Variants in COL27A1 observed in about 807,000 individuals in gnomAD.
COL27A1 encodes collagen type XXVII alpha 1 chain.
In COL27A1, 106 loss-of-function variants were observed where a neutral mutation model predicts 251.3. That is an observed-to-expected ratio of 0.42 (90% CI 0.36 to 0.50). The LOEUF (loss-of-function observed/expected upper bound fraction) is 0.50. Among genes scored for constraint, COL27A1 ranks in the 20% least tolerant of loss-of-function variants. The pLI, the probability that COL27A1 is intolerant of heterozygous loss-of-function variation, is 0.00. For missense variants in COL27A1, 2,325 were observed against 2,522.8 expected (o/e 0.92, Z 1.68); for synonymous variants, 1,000 against 986.3 (o/e 1.01, Z -0.26).
At position 114,196,007 on chromosome 9, in the gene COL27A1, C is replaced by T. The variant is rs1401322428; in HGVS notation, c.2119C>T (p.Arg707Ter). Residue 707 changes from arginine to a stop codon, truncating the protein, a stop_gained, in exon 7 of 61, where the codon CGA (arginine) becomes TGA (stop). Transcript: ENST00000356083. LOFTEE classifies it high-confidence loss of function. ...CTCCGGGAATCCAGGACCTCCGGGA[C>T]GAAAGGTACTGTTTGGTTTTGATGC... The part of the protein sequence containing the change: ...GLSGNPGPPG[R>*]KGHKGYPGPA... 1.2e-6 allele frequency: 2 copies of T among 1,613,976 alleles called. No individual in the cohort carries two copies. The highest frequency in any genetic ancestry group is 2.2e-5 in the South Asian group (2 of 91,078).
At chr9:114,234,712 T>C (rs1249720) in intron 16 of COL27A1, among the ~76,000 whole-genome samples, 152,155 of 152,270 alleles carry the variant, frequency 1, 76,020 homozygotes, top group Middle Eastern at 1. Flanking sequence ...CCAATTTACT[T>C]GCTGTTTACA....
intron 3 of COL27A1, among the ~76,000 whole-genome samples, chr9:114,170,433 G>A (rs988090318): frequency 6.6e-6 from 1 of 152,150 alleles, no homozygotes; most frequent in Non-Finnish European, 1.5e-5. Flanking sequence ...CTCCCGCCTT[G>A]GAGATGACCA....
chr9:114,268,581 C>T (rs80280630), intron 34 of COL27A1, among the ~76,000 whole-genome samples: 10,970 of 152,242 alleles, frequency 0.072, 543 homozygotes, highest in Middle Eastern at 0.13. Flanking sequence ...CCAGACTGCC[C>T]AGGTTCGGAT....
intron 32 of COL27A1, 95 bp from the exon 33 acceptor site, chr9:114,266,470 G>T (rs1834750629): frequency 2.8e-6 from 3 of 1,059,976 alleles, no homozygotes; most frequent in Admixed American, 3.9e-5. Flanking sequence ...AGAGTCCCCA[G>T]TTCTGGGGGT....
chr9:114,307,440 G>A, intron 58 of COL27A1: 1 of 536,796 alleles, frequency 1.9e-6, no homozygotes, highest in Non-Finnish European at 3.3e-6. Flanking sequence ...AGCAACATAG[G>A]CAAGTACTTA....
rs772191817 is a variant in COL27A1, at chr9:114,242,208, C to T, written c.2857C>T (p.Pro953Ser). Residue 953 changes from proline (P) to serine (S), a missense_variant, in exon 22 of 61, where the codon CCG becomes TCG. Transcript: ENST00000356083. Reference protein sequence around the residue: ...GPEGDEGPMGPPGAPGLEGQP... With the variant: ...GPEGDEGPMGSPGAPGLEGQP... ...CTAGGGAGATGAGGGACCCATGGGG[C>T]CGCCAGGGGCCCCTGGCTTGGAGGT... is the stretch of plus-strand genomic sequence containing the variant. 1 of 1,608,910 alleles carries T rather than the reference C, an allele frequency of 6.2e-7. No homozygotes were observed. Among genetic ancestry groups the T allele is most frequent in the Non-Finnish European group, 8.5e-7 (1 of 1,178,270 alleles).
chr9:114,301,146 G>A, intron 52 of COL27A1, 21 bp downstream of exon 52: 1 of 1,613,694 alleles, frequency 6.2e-7, no homozygotes, highest in Non-Finnish European at 8.5e-7. Flanking sequence ...GGATTGGACA[G>A]GAAGACTCCG....
chr9:114,217,758 C>T (rs1174345040), intron 12 of COL27A1: 1 of 470,402 alleles, frequency 2.1e-6, no homozygotes, highest in African/African-American at 2.0e-5. Context: ...AGTTGCTTTC[C>T]TCTCCTACCA....
rs6478073 is a variant in COL27A1, at chr9:114,240,258, C to T, written c.2766C>T (p.Gly922=). ...PGDIGPPGDN[G]PEGMKGKPGA... ...ACATCGGCCCCCCTGGCGACAATGG[C>T]CCAGAAGGCATGAAGGTGAGTACCT... The change falls in exon 20 of 61, where the codon GGC becomes GGT. Residue 922 remains glycine (G), a synonymous_variant. Transcript: ENST00000356083. 9,546 of 1,603,404 alleles carry T rather than the reference C, an allele frequency of 6.0e-3. 329 individuals are homozygous for T. In the African/African-American group the frequency reaches 0.087, roughly 15 times the overall value.
rs376171994 is a variant in COL27A1, at chr9:114,288,981, C to T, written c.4152+14C>T. The T allele has an allele frequency of 6.0e-4, 968 of 1,613,396 alleles. No homozygotes were observed. Among genetic ancestry groups the T allele is most frequent in the Non-Finnish European group, 7.8e-4 (923 of 1,179,886 alleles). On this transcript the variant is annotated intron_variant, in intron 44 of 60. Transcript: ENST00000356083. The stretch of plus-strand genomic sequence containing the variant: ...CAGGGCCAACCCGTGAGTGGTGCTT[C>T]GTGTCCCATCCCTGCCTCCCACCCT...
At position 114,254,317 on chromosome 9, in the gene COL27A1, G is replaced by A. The variant is rs138344691; in HGVS notation, c.3141+1385G>A. Among the ~76,000 whole-genome samples, 397 of 151,490 alleles carry A rather than the reference G, an allele frequency of 2.6e-3. 2 individuals carry two copies. Among genetic ancestry groups the A allele is most frequent in the African/African-American group, 9.1e-3 (375 of 41,182 alleles). Reference sequence around the variant, plus strand: ...GCTGGGAGAGCTGGGGGAAGGGTGCGGCCAGGAGCACTCAAGTTCAAGAGC... The same window carrying A: ...GCTGGGAGAGCTGGGGGAAGGGTGCAGCCAGGAGCACTCAAGTTCAAGAGC... On this transcript the variant is annotated intron_variant, in intron 27 of 60. Transcript: ENST00000356083.
chr9:114,191,196 T>C (rs1828722992), intron 5 of COL27A1, among the ~76,000 whole-genome samples: 1 of 152,198 alleles, frequency 6.6e-6, no homozygotes, highest in Admixed American at 6.5e-5. Flanking sequence ...TATATCAAAA[T>C]GTAAAGAGTT....
At chr9:114,181,888 C>G (rs1285085177) in intron 4 of COL27A1, among the ~76,000 whole-genome samples, 1 of 152,204 alleles carries the variant, frequency 6.6e-6, no homozygotes, top group East Asian at 1.9e-4. Context: ...GTCCAGTGTT[C>G]CCAGGTGCTC....
At chr9:114,263,620 C>T (rs899550546) in intron 28 of COL27A1, among the ~76,000 whole-genome samples, 1 of 152,282 alleles carries the variant, frequency 6.6e-6, no homozygotes, top group African/African-American at 2.4e-5. Context: ...AGTCACTTCC[C>T]TTGGCTGGGC....
At position 114,304,640 on chromosome 9, in the gene COL27A1, G is replaced by A. The variant is rs746766906; in HGVS notation, c.4905G>A (p.Thr1635=). Residue 1635 remains threonine (T), a synonymous_variant, in exon 57 of 61, where the codon ACG becomes ACA. Coordinates refer to ENST00000356083, the MANE Select transcript of COL27A1 (RefSeq NM_032888.4). ...ATGATCTTGGGGCAGCTTTCCAGAC[G>A]TGGATGGACACCAGTGGAGCACTCA... ...QQDDLGAAFQ[T]WMDTSGALRP... 6.0e-5 allele frequency: 97 copies of A among 1,614,040 alleles called. No homozygotes were observed. Among genetic ancestry groups the A allele is most frequent in the Middle Eastern group, 1.6e-4 (1 of 6,082 alleles).
chr9:114,278,482 ATAATG>A (rs1835684386), intron 37 of COL27A1, among the ~76,000 whole-genome samples: 2 of 61,364 alleles, frequency 3.3e-5, no homozygotes, highest in Non-Finnish European at 3.4e-5. Context: ...GGTGGTGGTG[ATAATG>A]GTGGTGGTGG....
intron 56 of COL27A1, among the ~76,000 whole-genome samples, 174 bp downstream of exon 56, chr9:114,302,282 G>GGCCT (rs1828704093): frequency 6.6e-6 from 1 of 152,166 alleles, no homozygotes; most frequent in South Asian, 2.1e-4. Flanking sequence ...AACAGAACGA[G>GGCCT]CCCTGGGCCA....
rs760171961 is a variant in COL27A1, at chr9:114,209,705, C to G, written c.2299C>G (p.Leu767Val). The part of the protein sequence containing the change: ...GYIGLPGLFG[L>V]PGSDGERGLP... The stretch of plus-strand genomic sequence containing the variant: ...CATTGGGCTCCCAGGGCTCTTCGGC[C>G]TGCCAGGGTCTGATGGAGAACGAGT... The change falls in exon 11 of 61, where the codon CTG (leucine) becomes GTG (valine). Residue 767 changes from leucine (L) to valine (V), a missense_variant. Coordinates refer to ENST00000356083, the MANE Select transcript of COL27A1 (RefSeq NM_032888.4). The G allele has an allele frequency of 6.2e-7, 1 of 1,614,198 alleles. No homozygotes were observed. The highest frequency in any genetic ancestry group is 8.5e-7 in the Non-Finnish European group (1 of 1,180,014).
At chr9:114,272,332 C>G (rs563154089) in intron 36 of COL27A1, 1 of 152,346 alleles carries the variant, frequency 6.6e-6, no homozygotes, top group East Asian at 1.9e-4. Context: ...GGGGGTCTTC[C>G]AGCCTGGGTG....
Sources: gnomAD v4.1 joint callset for allele counts (sites outside exome capture counted in the v4.1 genomes callset) on GRCh38, gnomAD v4.1.1 for gene constraint, MANE v1.5 for transcripts, NCBI Gene and HGNC (gene_info 2026-07-23, HGNC 2026-07-21) for gene names.